The following KIAA0825 variants were observed in gnomAD, a reference collection of about 807,000 sequenced individuals.
KIAA0825 encodes KIAA0825, also known as uncharacterized protein KIAA0825.
In KIAA0825, 119 loss-of-function variants were observed where a neutral mutation model predicts 147.6. The ratio of observed to expected loss-of-function variants is 0.81; its 90% CI spans 0.69 to 0.94. The LOEUF is 0.94. Ranked by LOEUF, KIAA0825 falls within the 40% of genes least tolerant of loss-of-function variation. The pLI is 0.00. For missense variants in KIAA0825, 1,381 were observed against 1,472.7 expected, an observed-to-expected ratio of 0.94 and a Z score of 1.02; for synonymous variants, 470 against 518.1, an observed-to-expected ratio of 0.91 and a Z score of 1.26.
intron 2 of KIAA0825, among the ~76,000 whole-genome samples, chr5:94,546,279 A>T (rs1774339577): frequency 6.6e-6 from 1 of 152,178 alleles, no homozygotes; most frequent in South Asian, 2.1e-4. Context: ...ACCCACCTAC[A>T]GCGTGGGGGA....
intron 20 of KIAA0825, among the ~76,000 whole-genome samples, chr5:94,289,890 T>G (rs1584024218): frequency 2.0e-5 from 3 of 151,704 alleles, no homozygotes; most frequent in Admixed American, 2.0e-4. Flanking sequence ...AAATAAATAT[T>G]TTTAAAAATA....
chr5:94,370,480 A>C (rs1278906905), intron 20 of KIAA0825, among the ~76,000 whole-genome samples: 1 of 152,206 alleles, frequency 6.6e-6, no homozygotes. Flanking sequence ...TATCAGATAA[A>C]GGTGAGGAAT....
At chr5:94,580,747 GC>G (rs1176457186) in intron 2 of KIAA0825, among the ~76,000 whole-genome samples, 4 of 100,820 alleles carry the variant, frequency 4.0e-5, no homozygotes, top group Admixed American at 9.7e-5. Flanking sequence ...GTAGTGGCGG[GC>G]GCCTGTAGTC....
At chr5:94,558,808 A>T (rs1777034954) in intron 2 of KIAA0825, among the ~76,000 whole-genome samples, 1 of 152,294 alleles carries the variant, frequency 6.6e-6, no homozygotes, top group East Asian at 1.9e-4. Flanking sequence ...AGTAGGTCAT[A>T]AGACCTTCAT....
chr5:94,497,753 AAC>A (rs1189620229), intron 5 of KIAA0825, among the ~76,000 whole-genome samples: 1 of 152,226 alleles, frequency 6.6e-6, no homozygotes, highest in East Asian at 1.9e-4. Context: ...TGAGCTTGTT[AAC>A]ACACAGATTG....
At position 94,453,042 on chromosome 5, in the gene KIAA0825, A is replaced by C. The variant is rs1488546663; in HGVS notation, c.2274T>G (p.Ser758=). Residue 758 remains serine, a synonymous_variant, in exon 13 of 21, where the codon TCT becomes TCG. Coordinates refer to ENST00000682413, the MANE Select transcript of KIAA0825 (RefSeq NM_001145678.3). Reference sequence around the variant, plus strand: ...AAAATGATTTTAAGGAATCTGAAGCAGACTCATCCAGGCCATGCTGAAAAG... The same window carrying C: ...AAAATGATTTTAAGGAATCTGAAGCCGACTCATCCAGGCCATGCTGAAAAG... ...YKTFQHGLDE[S]ASDSLKSFFK... is the part of the protein sequence containing the mutation. 1 of 1,524,482 alleles carries C rather than the reference A, an allele frequency of 6.6e-7. No homozygotes were observed. The highest frequency in any genetic ancestry group is 8.8e-7 in the Non-Finnish European group (1 of 1,137,048). The allele number at this position is 1,524,482 out of a possible 1,614,324, so 94.4% of individuals were successfully genotyped here. A position where few individuals can be genotyped will look rare whatever the true frequency, so the allele number is the denominator to read the frequency against.
At chr5:94,367,178 A>G (rs1185699653) in intron 20 of KIAA0825, among the ~76,000 whole-genome samples, 1 of 152,178 alleles carries the variant, frequency 6.6e-6, no homozygotes, top group Non-Finnish European at 1.5e-5. Flanking sequence ...AATGGGGAGG[A>G]AATTCTTTGA....
At chr5:94,241,119 C>T (rs946179511) in intron 20 of KIAA0825, among the ~76,000 whole-genome samples, 4 of 152,086 alleles carry the variant, frequency 2.6e-5, no homozygotes, top group Non-Finnish European at 4.4e-5. Context: ...GTTTTCTTTC[C>T]CAAACATTTT....
chr5:94,206,973 A>G (rs1772259393), intron 20 of KIAA0825, among the ~76,000 whole-genome samples: 1 of 152,180 alleles, frequency 6.6e-6, no homozygotes, highest in Admixed American at 6.5e-5. Flanking sequence ...GGAGGTGGAA[A>G]GCATATTTCC....
intron 14 of KIAA0825, among the ~76,000 whole-genome samples, chr5:94,419,153 G>T (rs924510368): frequency 6.6e-6 from 1 of 152,100 alleles, no homozygotes; most frequent in African/African-American, 2.4e-5. Flanking sequence ...GCAATTACAG[G>T]CCTGAGTTGT....
intron 20 of KIAA0825, among the ~76,000 whole-genome samples, chr5:94,230,505 C>T (rs1774598705): frequency 6.6e-6 from 1 of 152,158 alleles, no homozygotes; most frequent in African/African-American, 2.4e-5. Flanking sequence ...ATAACCTCCA[C>T]TCTTGCACTT....
intron 20 of KIAA0825, among the ~76,000 whole-genome samples, chr5:94,172,922 G>C (rs766532096): frequency 1.3e-5 from 2 of 152,076 alleles, no homozygotes; most frequent in African/African-American, 4.8e-5. Context: ...AGGTAATTTA[G>C]GAAAAGATTT....
chr5:94,550,582 C>A (rs528667097), intron 2 of KIAA0825, among the ~76,000 whole-genome samples: 5 of 152,306 alleles, frequency 3.3e-5, no homozygotes, highest in African/African-American at 9.6e-5. Flanking sequence ...GTAGCTCACA[C>A]CTGTAATCCC....
rs371282423 is a variant in KIAA0825 at position 94,399,514 on chromosome 5, G to C, written c.2888-3005C>G. 5.3e-5 allele frequency among the ~76,000 whole-genome samples: 8 copies of C among 152,118 alleles called. No homozygotes were observed. In the East Asian group the frequency reaches 9.6e-4, roughly 18 times the overall value. ...AAATTTCAGTCAGAACCTTCAGGCT[G>C]ATGACAAATTAATAAATCCATTCTA... On this transcript the variant is annotated intron_variant, in intron 16 of 20. Transcript: ENST00000682413.
intron 10 of KIAA0825, among the ~76,000 whole-genome samples, chr5:94,466,815 GCTTT>G (rs1474392472): frequency 2.0e-5 from 3 of 150,980 alleles, no homozygotes; most frequent in Non-Finnish European, 2.9e-5. Flanking sequence ...AGTTTCTTAT[GCTTT>G]CTTTGTCATG....
intron 20 of KIAA0825, among the ~76,000 whole-genome samples, chr5:94,228,861 AAAT>A (rs1367110783): frequency 6.6e-6 from 1 of 152,208 alleles, no homozygotes; most frequent in Non-Finnish European, 1.5e-5. Flanking sequence ...CACAGATTGA[AAAT>A]AATATTTTTA....
intron 20 of KIAA0825, among the ~76,000 whole-genome samples, chr5:94,206,610 G>C (rs1040304482): frequency 6.6e-6 from 1 of 152,222 alleles, no homozygotes; most frequent in Non-Finnish European, 1.5e-5. Flanking sequence ...TTCTTCAAAG[G>C]CTCTTCTAAT....
At chr5:94,408,274 TG>T (rs1752323198) in intron 15 of KIAA0825, among the ~76,000 whole-genome samples, 1 of 152,190 alleles carries the variant, frequency 6.6e-6, no homozygotes, top group Admixed American at 6.5e-5. Flanking sequence ...AAGGCAGGAC[TG>T]GGTGGGATTT....
At chr5:94,255,876 G>C (rs1350530811) in intron 20 of KIAA0825, among the ~76,000 whole-genome samples, 1 of 151,574 alleles carries the variant, frequency 6.6e-6, no homozygotes, top group Non-Finnish European at 1.5e-5. Flanking sequence ...ACCATGCCAA[G>C]CTAATTTTTG....
Sources: allele counts gnomAD v4.1 joint callset (sites outside exome capture counted in the v4.1 genomes callset), GRCh38; gene constraint gnomAD v4.1.1; transcripts MANE v1.5; gene names NCBI Gene and HGNC (gene_info 2026-07-23, HGNC 2026-07-21).